Variants in ZC3H3 observed in about 807,000 individuals in gnomAD.
The protein encoded by ZC3H3 is zinc finger CCCH domain-containing protein 3.
ZC3H3 carries 36 observed loss-of-function variants against 77.3 expected under a neutral mutation model. The observed-to-expected ratio is 0.47, with a 90% CI of 0.36 to 0.61. The LOEUF is 0.61. ZC3H3 is among the 20% of genes least tolerant of loss of function. ZC3H3 has a pLI of 0.00. For synonymous variants in ZC3H3, 626 were observed against 555.2 expected (o/e 1.13, Z -1.79); for missense variants, 1,331 against 1,312.2 (o/e 1.01, Z -0.22).
chr8:143,539,385 G>A, intron 1 of ZC3H3, 65 bp from the exon 2 acceptor site: 1 of 1,457,494 alleles, frequency 6.9e-7, no homozygotes. Flanking sequence ...GACTACCCTG[G>A]AAGGGCATCA....
chr8:143,466,700 C>T (rs886116850), intron 8 of ZC3H3, among the ~76,000 whole-genome samples: 6 of 152,144 alleles, frequency 3.9e-5, no homozygotes, highest in Non-Finnish European at 7.4e-5. Context: ...ACCGTCCAGC[C>T]TCAGCATGGA....
chr8:143,520,226 A>C (rs1018868750), intron 3 of ZC3H3, among the ~76,000 whole-genome samples: 14 of 152,190 alleles, frequency 9.2e-5, no homozygotes, highest in African/African-American at 3.4e-4. Context: ...CCCCCTCAAC[A>C]GAACAAAGAA....
chr8:143,480,125 C>T (rs1209616224), intron 4 of ZC3H3, among the ~76,000 whole-genome samples: 1 of 152,218 alleles, frequency 6.6e-6, no homozygotes, highest in Non-Finnish European at 1.5e-5. Flanking sequence ...TGGCTCTCGA[C>T]CCTCAGGGAC....
In ZC3H3 at chr8:143,468,373, G is replaced by A; in HGVS notation, c.2105+9C>T. On this transcript the variant is annotated intron_variant, in intron 7 of 11. Transcript: ENST00000262577. Reference sequence around the variant, plus strand: ...CTCCCCCAGGCCCACAGCGAGGGCAGGAGGGCACCTGGTGCACACGGCCAC... The same window carrying A: ...CTCCCCCAGGCCCACAGCGAGGGCAAGAGGGCACCTGGTGCACACGGCCAC... 1 of 1,612,534 alleles carries A rather than the reference G, an allele frequency of 6.2e-7. No individual in the cohort carries two copies. Among genetic ancestry groups the A allele is most frequent in the South Asian group, 1.1e-5 (1 of 90,974 alleles).
intron 9 of ZC3H3, among the ~76,000 whole-genome samples, chr8:143,445,992 T>C (rs2129801063): frequency 6.6e-6 from 1 of 152,342 alleles, no homozygotes; most frequent in Admixed American, 6.5e-5. Flanking sequence ...GAGCATGGTT[T>C]GGCTCAGGGA....
chr8:143,523,616 CT>C (rs1343672286), intron 3 of ZC3H3: 8 of 845,396 alleles, frequency 9.5e-6, no homozygotes, highest in Non-Finnish European at 1.0e-5. Context: ...TTGAGGACCC[CT>C]GTCCTCATCC....
intron 5 of ZC3H3, among the ~76,000 whole-genome samples, chr8:143,471,961 G>C (rs538209574): frequency 6.6e-6 from 1 of 152,222 alleles, no homozygotes; most frequent in Admixed American, 6.5e-5. Flanking sequence ...CTCGCCTGTC[G>C]ACCCAAAGGG....
intron 4 of ZC3H3, among the ~76,000 whole-genome samples, chr8:143,491,175 G>A (rs969254062): frequency 6.6e-6 from 1 of 152,146 alleles, no homozygotes; most frequent in African/African-American, 2.4e-5. Flanking sequence ...AGGGGGCTCC[G>A]CCCTCCCCGG....
rs548779095 is a variant in ZC3H3 at position 143,516,505 on chromosome 8, C to T, written c.1562-8606G>A. On this transcript the variant is annotated intron_variant, in intron 3 of 11. Transcript: ENST00000262577. ...AAAACTTGCCTCAAAGCCTCGTCAGCGCGAAAGGAAACTTTGCAATCACAC... is the reference window on the plus strand; with the variant it reads ...AAAACTTGCCTCAAAGCCTCGTCAGTGCGAAAGGAAACTTTGCAATCACAC... 5.0e-4 allele frequency among the ~76,000 whole-genome samples: 75 copies of T among 150,112 alleles called. 1 individual carries two copies. The highest frequency in any genetic ancestry group is 3.4e-3 in the Middle Eastern group (1 of 292).
chr8:143,500,066 T>A (rs1821480081), intron 4 of ZC3H3, among the ~76,000 whole-genome samples: 1 of 152,020 alleles, frequency 6.6e-6, no homozygotes, highest in South Asian at 2.1e-4. Flanking sequence ...AAACCCTTCG[T>A]GGTATGGCCA....
chr8:143,533,718 A>C lies in ZC3H3; in HGVS notation c.1561+2539T>G, dbSNP rs1586968367. ...TTTTTTTTTTTTGAGACAAAATGTC[A>C]CTCTGTCGCCCAGGCTGGAGTACAA... On this transcript the variant is annotated intron_variant, in intron 3 of 11. Coordinates refer to ENST00000262577, the MANE Select transcript of ZC3H3 (RefSeq NM_015117.3). This position sits in a 1 kb window ranked among gnomAD's most constrained non-coding sequence, Gnocchi z 4.0. Among the ~76,000 whole-genome samples, 2 of 134,664 alleles carry C rather than the reference A, an allele frequency of 1.5e-5. No individual in the cohort carries two copies. Among genetic ancestry groups the C allele is most frequent in the African/African-American group, 2.8e-5 (1 of 35,166 alleles). The allele number at this position is 134,664 out of a possible 152,430, so 88.3% of individuals were successfully genotyped here. A position where few individuals can be genotyped will look rare whatever the true frequency, so the allele number is the denominator to read the frequency against.
intron 5 of ZC3H3, among the ~76,000 whole-genome samples, chr8:143,469,975 T>C (rs1820519134): frequency 6.6e-6 from 1 of 152,094 alleles, no homozygotes; most frequent in African/African-American, 2.4e-5. Flanking sequence ...AAAAGGGATG[T>C]CCCAAAGCCG....
rs1051167382 is a variant in ZC3H3 at position 143,462,920 on chromosome 8, C to G, written c.2307+2797G>C. 2.6e-5 allele frequency among the ~76,000 whole-genome samples: 4 copies of G among 151,772 alleles called. No individual in the cohort carries two copies. Among genetic ancestry groups the G allele is most frequent in the African/African-American group, 9.7e-5 (4 of 41,278 alleles). The stretch of plus-strand genomic sequence containing the variant: ...AGTCCTAAACACACCCAGAAGGAAC[C>G]AGGGCGCCCTGCAGGAGCAGCTGTC... On this transcript the variant is annotated intron_variant, in intron 9 of 11. Transcript: ENST00000262577. This position sits in a 1 kb window ranked among gnomAD's most constrained non-coding sequence, Gnocchi z 4.7.
chr8:143,479,850 C>T (rs1820859595), intron 4 of ZC3H3, among the ~76,000 whole-genome samples: 1 of 152,296 alleles, frequency 6.6e-6, no homozygotes, highest in Non-Finnish European at 1.5e-5. Context: ...TGAAAAGCAG[C>T]AGTAATGGGG....
At chr8:143,521,611 C>A (rs1586953496) in intron 3 of ZC3H3, among the ~76,000 whole-genome samples, 1 of 152,166 alleles carries the variant, frequency 6.6e-6, no homozygotes, top group East Asian at 1.9e-4. Flanking sequence ...GTGGGACAGG[C>A]ATGGAGGACT....
At chr8:143,469,897 AAGAGGC>A (rs1820516969) in intron 5 of ZC3H3, among the ~76,000 whole-genome samples, 1 of 152,336 alleles carries the variant, frequency 6.6e-6, no homozygotes, top group African/African-American at 2.4e-5. Flanking sequence ...CACTGCAGTT[AAGAGGC>A]AGAGGTGACA....
chr8:143,498,118 G>A (rs753506456), intron 4 of ZC3H3, among the ~76,000 whole-genome samples: 10 of 152,196 alleles, frequency 6.6e-5, no homozygotes, highest in East Asian at 3.8e-4. Context: ...ACCGGGGCCC[G>A]GGGCAGGGGC....
At chr8:143,471,776 C>G (rs965790383) in intron 5 of ZC3H3, among the ~76,000 whole-genome samples, 21 of 152,224 alleles carry the variant, frequency 1.4e-4, no homozygotes, top group Non-Finnish European at 2.2e-4. Context: ...TCCAAGAAGG[C>G]TGCTGCACTT....
rs745689744 is a variant in ZC3H3 at position 143,538,957 on chromosome 8, C to G, written c.410G>C (p.Ser137Thr). 2.3e-5 allele frequency: 37 copies of G among 1,612,974 alleles called. No individual in the cohort carries two copies. The South Asian group carries it at 3.8e-4, about 17-fold the overall frequency. ...VKPPSKSGSASASGAQRGSLE... is the reference protein window; with the variant it reads ...VKPPSKSGSATASGAQRGSLE... ...AGAGCCCCGCTGGGCCCCTGAGGCA[C>G]TGGCAGAGCCAGACTTTGATGGCGG... The change falls in exon 2 of 12, where the codon AGT (serine) becomes ACT (threonine). Residue 137 changes from serine to threonine, a missense_variant. Ser to Thr is a moderately conservative substitution (Grantham distance 58). Transcript: ENST00000262577.
Sources: gnomAD v4.1 joint callset for allele counts (sites outside exome capture counted in the v4.1 genomes callset) on GRCh38, gnomAD v4.1.1 for gene constraint, Gnocchi (gnomAD v3.1) non-coding constraint, MANE v1.5 for transcripts, NCBI Gene and HGNC (gene_info 2026-07-23, HGNC 2026-07-21) for gene names.